Variants in AKAP8 observed in about 807,000 individuals in gnomAD.
AKAP8 encodes A-kinase anchor protein 8.
AKAP8 carries 24 observed loss-of-function variants against 67.5 expected under a neutral mutation model. That is an observed-to-expected ratio of 0.36 (90% CI 0.26 to 0.50). AKAP8 has a LOEUF of 0.50. AKAP8 is among the 20% of genes least tolerant of loss of function. The pLI, the probability that AKAP8 is intolerant of heterozygous loss-of-function variation, is 0.97. For synonymous variants in AKAP8, 400 were observed against 371.1 expected (o/e 1.08, Z -0.90); for missense variants, 971 against 955.9 (o/e 1.02, Z -0.21).
At chr19:15,374,113 T>C (rs548536403) in intron 3 of AKAP8, 48 bp from the exon 4 acceptor site, 14 of 1,518,802 alleles carry the variant, frequency 9.2e-6, no homozygotes, top group South Asian at 1.3e-5. Flanking sequence ...CCACGAGGCC[T>C]GTCCATGGTG....
At chr19:15,378,409 T>C (rs1967294264) in intron 1 of AKAP8, among the ~76,000 whole-genome samples, 1 of 152,074 alleles carries the variant, frequency 6.6e-6, no homozygotes. Flanking sequence ...CTCCAGTGTG[T>C]CTGAAAGGTT....
intron 13 of AKAP8, among the ~76,000 whole-genome samples, chr19:15,357,966 A>G (rs897067634): frequency 6.6e-6 from 1 of 151,810 alleles, no homozygotes; most frequent in Non-Finnish European, 1.5e-5. Flanking sequence ...TACAGGTGTG[A>G]GCCACCACGC....
In AKAP8 at chr19:15,354,559, A is replaced by C. The variant is rs182688020; in HGVS notation, c.*356T>G. ...AGCTGTTCCCAACCAAATAAAAAAA[A>C]AAATTAAGGAAAAAAATAAAAAAGG... On this transcript the variant is annotated 3_prime_UTR_variant, in exon 14 of 14. Transcript: ENST00000269701. 1.4e-3 allele frequency: 346 copies of C among 239,542 alleles called. 1 individual carries two copies. The highest frequency in any genetic ancestry group is 7.3e-3 in the African/African-American group (326 of 44,708). The allele number at this position is 239,542 out of a possible 1,614,324, so 14.8% of individuals were successfully genotyped here.
At chr19:15,366,995 C>T (rs1409853753) in intron 9 of AKAP8, among the ~76,000 whole-genome samples, 7 of 152,094 alleles carry the variant, frequency 4.6e-5, no homozygotes, top group Non-Finnish European at 1.0e-4. Flanking sequence ...ACAAAGTCCA[C>T]CTCCCCAGTT....
chr19:15,379,571 G>C, intron 1 of AKAP8, 142 bp downstream of exon 1: 1 of 896,648 alleles, frequency 1.1e-6, no homozygotes, highest in Non-Finnish European at 1.6e-6. Flanking sequence ...CGGCGCGCGC[G>C]CGCCCTGGCC....
In AKAP8 at chr19:15,371,925, G is replaced by A. The variant is rs1241609219; in HGVS notation, c.1038+27C>T. ...AAGAAAGAAGAAATCCCACACTAGA[G>A]GCAAAAGGGCTGCCTGGTGGACTTA... On this transcript the variant is annotated intron_variant, in intron 7 of 13. Transcript: ENST00000269701. The A allele has an allele frequency of 6.8e-6, 11 of 1,613,082 alleles. 1 individual carries two copies. The East Asian group carries it at 1.1e-4, about 16-fold the overall frequency.
chr19:15,370,490 A>G (rs1967136480), intron 7 of AKAP8, among the ~76,000 whole-genome samples: 1 of 152,208 alleles, frequency 6.6e-6, no homozygotes, highest in African/African-American at 2.4e-5. Context: ...ACCCACCCGT[A>G]CAATTCTATG....
intron 7 of AKAP8, 110 bp downstream of exon 7, chr19:15,371,842 G>C: frequency 8.1e-7 from 1 of 1,228,924 alleles, no homozygotes; most frequent in Non-Finnish European, 1.2e-6. Flanking sequence ...AATCCACTCA[G>C]AGGTAGTCAA....
At chr19:15,366,416 T>C (rs1316467651) in intron 9 of AKAP8, among the ~76,000 whole-genome samples, 1 of 152,182 alleles carries the variant, frequency 6.6e-6, no homozygotes, top group Non-Finnish European at 1.5e-5. Context: ...TCAATGTTCC[T>C]GTACCACTTA....
intron 9 of AKAP8, among the ~76,000 whole-genome samples, chr19:15,364,003 G>A (rs186157690): frequency 6.7e-6 from 1 of 149,044 alleles, no homozygotes; most frequent in Non-Finnish European, 1.5e-5. Flanking sequence ...AGTACCCAGG[G>A]ACACAAACAC....
intron 9 of AKAP8, among the ~76,000 whole-genome samples, chr19:15,367,556 TG>T (rs1194904030): frequency 6.6e-6 from 1 of 152,126 alleles, no homozygotes; most frequent in Non-Finnish European, 1.5e-5. Context: ...AGAAAATCAC[TG>T]TCCCATGTGA....
intron 2 of AKAP8, among the ~76,000 whole-genome samples, chr19:15,375,811 T>C (rs910854873): frequency 2.6e-5 from 4 of 152,082 alleles, no homozygotes; most frequent in Non-Finnish European, 4.4e-5. Flanking sequence ...TAATTTTTTT[T>C]GTATTTTTAG....
At chr19:15,373,743 G>T in intron 4 of AKAP8, 43 bp downstream of exon 4, 1 of 1,568,718 alleles carries the variant, frequency 6.4e-7, no homozygotes. Context: ...CACAAAGGTG[G>T]GGATGTGTGG....
Position 15,370,197 on chromosome 19 carries a change from C to CA in AKAP8, c.1039-19dup. On this transcript the variant is annotated intron_variant, in intron 7 of 13. Coordinates refer to ENST00000269701, the MANE Select transcript of AKAP8 (RefSeq NM_005858.4). ...TCATCCTCCTGGAAAAGAGTATACACAAAGTCCGGCAGTGAGCTGGTGTGT... is the reference window on the plus strand; with the variant it reads ...TCATCCTCCTGGAAAAGAGTATACACAAAAGTCCGGCAGTGAGCTGGTGTGT... 1 of 1,613,986 alleles carries CA rather than the reference C, an allele frequency of 6.2e-7. No homozygotes were observed.
At chr19:15,373,572 G>A (rs532250682) in intron 4 of AKAP8, 7 of 905,776 alleles carry the variant, frequency 7.7e-6, no homozygotes, top group South Asian at 7.3e-5. Context: ...GGAGTCTCGG[G>A]GAGCTTAGCC....
intron 9 of AKAP8, among the ~76,000 whole-genome samples, chr19:15,367,112 G>C (rs1967083549): frequency 6.6e-6 from 1 of 152,138 alleles, no homozygotes; most frequent in Non-Finnish European, 1.5e-5. Context: ...TCACCATATT[G>C]ACCAGGCTGG....
chr19:15,358,908 C>T (rs1048128143), intron 13 of AKAP8, 59 bp downstream of exon 13: 43 of 1,501,434 alleles, frequency 2.9e-5, no homozygotes, highest in Non-Finnish European at 3.7e-5. Context: ...CTCCCTGCTC[C>T]TGGGGTTCAT....
chr19:15,362,046 T>C, intron 10 of AKAP8, 64 bp downstream of exon 10: 1 of 1,592,002 alleles, frequency 6.3e-7, no homozygotes, highest in East Asian at 2.2e-5. Context: ...CCTTCCTCCT[T>C]CAAGGGATCC....
At chr19:15,364,804 A>G (rs531971318) in intron 9 of AKAP8, among the ~76,000 whole-genome samples, 9 of 152,148 alleles carry the variant, frequency 5.9e-5, no homozygotes, top group African/African-American at 1.7e-4. Context: ...CTTTTTCTCG[A>G]GATGAGATTT....
Sources: gnomAD v4.1 joint callset for allele counts (sites outside exome capture counted in the v4.1 genomes callset) on GRCh38, gnomAD v4.1.1 for gene constraint, MANE v1.5 for transcripts, NCBI Gene and HGNC (gene_info 2026-07-23, HGNC 2026-07-21) for gene names.